BIRC6: variants seen among roughly 807,000 people sequenced by gnomAD.
BIRC6 encodes baculoviral IAP repeat containing 6.
A neutral mutation model predicts 503.3 loss-of-function variants in BIRC6; 98 were observed. That is an observed-to-expected ratio of 0.19 (90% CI 0.17 to 0.23). The LOEUF is 0.23. Ranked by LOEUF, BIRC6 falls within the 10% of genes least tolerant of loss-of-function variation. The pLI, the probability that BIRC6 is intolerant of heterozygous loss-of-function variation, is 1.00. For missense variants in BIRC6, 5,360 were observed against 5,806.0 expected, an observed-to-expected ratio of 0.92 and a Z score of 2.50; for synonymous variants, 2,240 against 2,078.7, an observed-to-expected ratio of 1.08 and a Z score of -2.11.
In BIRC6 at chr2:32,502,923, G is replaced by T. The variant is rs757121822; in HGVS notation, c.9304+32G>T. 5 of 1,547,156 alleles carry T rather than the reference G, an allele frequency of 3.2e-6. No individual in the cohort carries two copies. The Admixed American group carries it at 7.4e-5, about 23-fold the overall frequency. On this transcript the variant is annotated intron_variant, in intron 48 of 73. Transcript: ENST00000421745. ...TAATATTTCAATAACTATCATTTAAGTGTAGTTATGTGATAGTATGTTACA... is the reference window on the plus strand; with the variant it reads ...TAATATTTCAATAACTATCATTTAATTGTAGTTATGTGATAGTATGTTACA...
At chr2:32,427,202 C>T (rs1454331734) in intron 10 of BIRC6, among the ~76,000 whole-genome samples, 3 of 152,068 alleles carry the variant, frequency 2.0e-5, no homozygotes, top group Non-Finnish European at 2.9e-5. Context: ...GAATTCTCTT[C>T]TTCATGGAAT....
At position 32,617,976 on chromosome 2, in the gene BIRC6, A is replaced by T. The variant is rs1178767648; in HGVS notation, c.*72A>T. ...GCCAAATATGTCAATATTTGTATGT[A>T]AGAAACTAATTATGTAATAGGTAAT... is the stretch of plus-strand genomic sequence containing the variant. On this transcript the variant is annotated 3_prime_UTR_variant, in exon 74 of 74. Transcript: ENST00000421745. 3.5e-6 allele frequency: 5 copies of T among 1,414,728 alleles called. No homozygotes were observed. In the Admixed American group the frequency reaches 1.1e-4, roughly 32 times the overall value. 87.6% of individuals were successfully genotyped at this position (1,414,728 alleles called of 1,614,324 possible). A position where few individuals can be genotyped will look rare whatever the true frequency, so the allele number is the denominator to read the frequency against.
In BIRC6 at chr2:32,474,164, T is replaced by C. The variant is rs188765740; in HGVS notation, c.6720+925T>C. Among the ~76,000 whole-genome samples, 379 of 152,268 alleles carry C rather than the reference T, an allele frequency of 2.5e-3. 6 individuals are homozygous for C. Among genetic ancestry groups the C allele is most frequent in the African/African-American group, 8.9e-3 (371 of 41,574 alleles). On this transcript the variant is annotated intron_variant, in intron 33 of 73. Transcript: ENST00000421745. ...GCTTTTCAAATTTTTTGTTTTGTTT[T>C]TTATATTTAAAAAATTTTTTGATTT...
At chr2:32,485,184 T>C (rs1210272692) in intron 39 of BIRC6, among the ~76,000 whole-genome samples, 1 of 152,222 alleles carries the variant, frequency 6.6e-6, no homozygotes, top group Admixed American at 6.5e-5. Context: ...TGGACAGAGC[T>C]AGGGAGTATG....
At chr2:32,608,827 CA>C (rs1455595249) in intron 72 of BIRC6, among the ~76,000 whole-genome samples, 1 of 152,120 alleles carries the variant, frequency 6.6e-6, no homozygotes, top group Non-Finnish European at 1.5e-5. Flanking sequence ...AGTTGTCTTG[CA>C]AATAGAAATT....
intron 21 of BIRC6, among the ~76,000 whole-genome samples, chr2:32,447,434 A>T (rs1185687431): frequency 8.5e-6 from 1 of 118,306 alleles, no homozygotes. Flanking sequence ...CGGGGGGCTG[A>T]CCCCCCACCT....
At chr2:32,373,136 C>T (rs925908483) in intron 1 of BIRC6, among the ~76,000 whole-genome samples, 1 of 152,154 alleles carries the variant, frequency 6.6e-6, no homozygotes, top group Admixed American at 6.5e-5. Context: ...GATATCTATA[C>T]TGCCCCAAAC....
chr2:32,463,592 A>C (rs2048222781), intron 24 of BIRC6, among the ~76,000 whole-genome samples: 1 of 152,246 alleles, frequency 6.6e-6, no homozygotes, highest in African/African-American at 2.4e-5. Context: ...TTGAGGGAAT[A>C]TGATTGATAT....
chr2:32,473,009 T>C (rs1291438451), intron 32 of BIRC6, 103 bp from the exon 33 acceptor site: 1 of 966,774 alleles, frequency 1.0e-6, no homozygotes, highest in Admixed American at 3.4e-5. Context: ...CTGCTTTTCA[T>C]GATTGACACA....
In BIRC6 at chr2:32,524,056, A is replaced by G. The variant is rs576376276; in HGVS notation, c.11624-832A>G. 4.0e-4 allele frequency among the ~76,000 whole-genome samples: 61 copies of G among 152,162 alleles called. No homozygotes were observed. In the East Asian group the frequency reaches 6.0e-3, roughly 15 times the overall value. Reference sequence around the variant, plus strand: ...GAGACCTTATCTTAAAAAAAAAAAAAAGAGAATTGGAGACTTGATAACAGT... The same window carrying G: ...GAGACCTTATCTTAAAAAAAAAAAAGAGAGAATTGGAGACTTGATAACAGT... On this transcript the variant is annotated intron_variant, in intron 57 of 73. Coordinates refer to ENST00000421745, the MANE Select transcript of BIRC6 (RefSeq NM_016252.4).
chr2:32,540,399 AATTT>A (rs2057567899), intron 61 of BIRC6, among the ~76,000 whole-genome samples: 2 of 151,992 alleles, frequency 1.3e-5, no homozygotes, highest in African/African-American at 4.8e-5. Flanking sequence ...AATTTAAAAT[AATTT>A]ATTTGTGTTT....
At chr2:32,595,751 A>C (rs775493602) in intron 68 of BIRC6, among the ~76,000 whole-genome samples, 1 of 152,256 alleles carries the variant, frequency 6.6e-6, no homozygotes, top group Non-Finnish European at 1.5e-5. Context: ...TAAATGCTAA[A>C]GTAGGATTCA....
rs58232090 is a variant in BIRC6 at position 32,446,738 on chromosome 2, G to GTTTT, written c.4484+1100_4484+1103dup. On this transcript the variant is annotated intron_variant, in intron 21 of 73. Transcript: ENST00000421745. ...TCTAGTCAGCATCTCCCTCTGCGCTGTTTTTTTTTTTTTTTTTTTTTTTTT... is the reference window on the plus strand; with the variant it reads ...TCTAGTCAGCATCTCCCTCTGCGCTGTTTTTTTTTTTTTTTTTTTTTTTTTTTTT... Among the ~76,000 whole-genome samples the GTTTT allele has an allele frequency of 6.9e-3, 242 of 34,868 alleles. 12 individuals are homozygous for GTTTT. Among genetic ancestry groups the GTTTT allele is most frequent in the African/African-American group, 7.2e-3 (59 of 8,212 alleles). The allele number at this position is 34,868 out of a possible 152,430, so 22.9% of individuals were successfully genotyped here.
intron 47 of BIRC6, among the ~76,000 whole-genome samples, chr2:32,502,185 A>G (rs1301220299): frequency 6.6e-6 from 1 of 152,160 alleles, no homozygotes; most frequent in Non-Finnish European, 1.5e-5. Flanking sequence ...AGCATAGTGT[A>G]ATACTGAGGT....
chr2:32,373,101 C>T (rs1414202571), intron 1 of BIRC6, among the ~76,000 whole-genome samples: 2 of 152,168 alleles, frequency 1.3e-5, no homozygotes, highest in African/African-American at 4.8e-5. Context: ...CTTGCCAGAA[C>T]TTCATACTAT....
chr2:32,518,181 C>A, intron 55 of BIRC6, 73 bp from the exon 56 acceptor site: 1 of 1,369,192 alleles, frequency 7.3e-7, no homozygotes, highest in African/African-American at 1.5e-5. Context: ...TTTTCTGTTT[C>A]CTTTTTATCT....
At chr2:32,398,978 G>T (rs991475763) in intron 6 of BIRC6, among the ~76,000 whole-genome samples, 3 of 152,118 alleles carry the variant, frequency 2.0e-5, no homozygotes, top group African/African-American at 7.2e-5. Flanking sequence ...ACATTTTAAG[G>T]AGTAGCATGT....
At position 32,467,951 on chromosome 2, in the gene BIRC6, C is replaced by T. The variant is rs781344337; in HGVS notation, c.5620C>T (p.Pro1874Ser). ...YGSTNARAKI[P>S]LGFYYGHTYI... ...GAGTACAAATGCCAGAGCCAAAATC[C>T]CATTAGGATTTTACTATGGTCATAC... Residue 1874 changes from proline (P) to serine (S), a missense_variant, in exon 28 of 74, where the codon CCA (proline) becomes TCA (serine). This residue lies in a region of BIRC6 where 2,299 missense variants were observed against 2,267.2 expected (regional missense o/e 1.01). Transcript: ENST00000421745. 6.2e-7 allele frequency: 1 copy of T among 1,613,386 alleles called. No homozygotes were observed. The highest frequency in any genetic ancestry group is 1.3e-5 in the African/African-American group (1 of 74,778).
At chr2:32,525,943 C>T (rs957232716) in intron 59 of BIRC6, among the ~76,000 whole-genome samples, 6 of 151,932 alleles carry the variant, frequency 3.9e-5, no homozygotes, top group African/African-American at 1.2e-4. Context: ...TAGGAAACAC[C>T]GTGGGGCAAA....
Sources: gnomAD v4.1 joint callset for allele counts (sites outside exome capture counted in the v4.1 genomes callset) on GRCh38, gnomAD v4.1.1 for gene constraint, gnomAD v4.1.1 regional missense constraint, MANE v1.5 for transcripts, NCBI Gene and HGNC (gene_info 2026-07-23, HGNC 2026-07-21) for gene names.